SCFD2: variants seen among roughly 807,000 people sequenced by gnomAD.
The protein encoded by SCFD2 is sec1 family domain-containing protein 2.
A neutral mutation model predicts 58.9 loss-of-function variants in SCFD2; 54 were observed. The observed-to-expected ratio is 0.92, with a 90% CI of 0.74 to 1.15. The LOEUF is 1.15. Among genes scored for constraint, SCFD2 ranks in the 50% most tolerant of loss-of-function variants. The pLI is 0.00. For missense variants in SCFD2, 805 were observed against 836.6 expected (o/e 0.96, Z 0.47); for synonymous variants, 321 against 335.9 (o/e 0.96, Z 0.49).
intron 5 of SCFD2, among the ~76,000 whole-genome samples, chr4:52,932,354 G>A (rs1720017438): frequency 6.6e-6 from 1 of 152,176 alleles, no homozygotes; most frequent in Middle Eastern, 3.2e-3. Flanking sequence ...GAAAAGGATG[G>A]AATCAGAAGA....
At chr4:52,951,019 A>T (rs1183347965) in intron 5 of SCFD2, 3 of 152,182 alleles carry the variant, frequency 2.0e-5, no homozygotes, top group African/African-American at 7.2e-5. Context: ...ATTAGAGAAA[A>T]ACATTTAAAG....
At chr4:53,143,487 G>A (rs1336474572) in intron 5 of SCFD2, among the ~76,000 whole-genome samples, 2 of 152,126 alleles carry the variant, frequency 1.3e-5, no homozygotes, top group Non-Finnish European at 2.9e-5. Context: ...TTTCTTAAAT[G>A]GATTTTAAGT....
At chr4:53,054,666 T>C (rs1214272686) in intron 5 of SCFD2, among the ~76,000 whole-genome samples, 1 of 151,946 alleles carries the variant, frequency 6.6e-6, no homozygotes, top group Non-Finnish European at 1.5e-5. Context: ...TTTGTTTTTG[T>C]TTTTGAGACA....
At chr4:53,279,267 G>C (rs570200030) in intron 3 of SCFD2, among the ~76,000 whole-genome samples, 1 of 152,218 alleles carries the variant, frequency 6.6e-6, no homozygotes, top group East Asian at 1.9e-4. Flanking sequence ...TTGATTTTCA[G>C]TTAGGCTTTA....
At position 53,192,262 on chromosome 4, in the gene SCFD2, C is replaced by T. The variant is rs114894617; in HGVS notation, c.1312-46680G>A. Among the ~76,000 whole-genome samples the T allele has an allele frequency of 7.4e-3, 1,123 of 152,288 alleles. 7 individuals are homozygous for T. Among genetic ancestry groups the T allele is most frequent in the African/African-American group, 0.026 (1,067 of 41,572 alleles). On this transcript the variant is annotated intron_variant, in intron 4 of 8. Coordinates refer to ENST00000401642, the MANE Select transcript of SCFD2 (RefSeq NM_152540.4). ...TCTTACATCTTGTTTCTACTGCCTG[C>T]CTGGCCAGGGAAGGGTTGAAAGTCC... is the stretch of plus-strand genomic sequence containing the variant.
intron 4 of SCFD2, among the ~76,000 whole-genome samples, chr4:53,191,500 C>T (rs1168248221): frequency 2.0e-5 from 3 of 151,784 alleles, no homozygotes; most frequent in Non-Finnish European, 4.4e-5. Flanking sequence ...TCTGCCACCC[C>T]GGTTCCAGTG....
chr4:53,251,017 T>A (rs1730351318), intron 4 of SCFD2, among the ~76,000 whole-genome samples: 1 of 151,498 alleles, frequency 6.6e-6, no homozygotes, highest in South Asian at 2.1e-4. Flanking sequence ...GAGAGAAGAA[T>A]CAAATAGATG....
At chr4:53,329,274 G>A (rs1378994300) in intron 2 of SCFD2, among the ~76,000 whole-genome samples, 1 of 152,210 alleles carries the variant, frequency 6.6e-6, no homozygotes, top group Non-Finnish European at 1.5e-5. Flanking sequence ...GCCTCTGTAG[G>A]CTTCACCTCT....
intron 5 of SCFD2, among the ~76,000 whole-genome samples, chr4:53,128,269 T>C (rs1046485135): frequency 1.3e-5 from 2 of 152,306 alleles, no homozygotes; most frequent in South Asian, 2.1e-4. Context: ...CTGATGGCTT[T>C]TGTTCTGTTC....
chr4:53,355,178 A>G (rs570203804), intron 1 of SCFD2, among the ~76,000 whole-genome samples: 1 of 152,342 alleles, frequency 6.6e-6, no homozygotes, highest in South Asian at 2.1e-4. Context: ...CTCAATACAT[A>G]TATTCCGTTA....
chr4:53,103,080 G>A (rs1464868510), intron 5 of SCFD2, among the ~76,000 whole-genome samples: 5 of 152,114 alleles, frequency 3.3e-5, no homozygotes, highest in Non-Finnish European at 7.4e-5. Context: ...AAGAATCAAT[G>A]GGGAAAAGTT....
chr4:52,933,816 T>C (rs1720059753), intron 5 of SCFD2, among the ~76,000 whole-genome samples: 1 of 152,208 alleles, frequency 6.6e-6, no homozygotes, highest in Admixed American at 6.5e-5. Flanking sequence ...TAATTTCCAA[T>C]GCAACAACAT....
intron 5 of SCFD2, among the ~76,000 whole-genome samples, chr4:52,927,282 T>C (rs1719884812): frequency 6.6e-6 from 1 of 151,298 alleles, no homozygotes; most frequent in African/African-American, 2.4e-5. Flanking sequence ...CATTCACTAA[T>C]CCTTTGATGA....
chr4:53,011,959 T>C (rs1224922214), intron 5 of SCFD2, among the ~76,000 whole-genome samples: 3 of 151,868 alleles, frequency 2.0e-5, no homozygotes, highest in African/African-American at 4.8e-5. Context: ...ATCTGGGGAT[T>C]TTTCATTGAG....
intron 5 of SCFD2, among the ~76,000 whole-genome samples, chr4:52,972,182 C>T (rs301108): frequency 3.3e-5 from 5 of 152,110 alleles, no homozygotes; most frequent in Admixed American, 2.6e-4. Context: ...ACCTTAAATG[C>T]AAATGGGCTA....
chr4:53,136,786 C>A (rs1165756161), intron 5 of SCFD2, among the ~76,000 whole-genome samples: 1 of 152,174 alleles, frequency 6.6e-6, no homozygotes, highest in Non-Finnish European at 1.5e-5. Context: ...GTGCTCAGAG[C>A]CTCTACATTC....
At chr4:53,171,044 G>T (rs1727163252) in intron 4 of SCFD2, among the ~76,000 whole-genome samples, 1 of 152,034 alleles carries the variant, frequency 6.6e-6, no homozygotes, top group Non-Finnish European at 1.5e-5. Context: ...GATCTGATAA[G>T]GACTTCCAGT....
At chr4:53,012,256 T>A (rs1185220301) in intron 5 of SCFD2, among the ~76,000 whole-genome samples, 1 of 152,106 alleles carries the variant, frequency 6.6e-6, no homozygotes, top group Non-Finnish European at 1.5e-5. Context: ...CAACTGCATA[T>A]TTAGCCCTAC....
At chr4:53,205,267 T>C (rs1728370844) in intron 4 of SCFD2, among the ~76,000 whole-genome samples, 1 of 152,068 alleles carries the variant, frequency 6.6e-6, no homozygotes, top group African/African-American at 2.4e-5. Context: ...AAAGCTATCA[T>C]TGCCACTGTC....
Sources: allele counts gnomAD v4.1 joint callset (sites outside exome capture counted in the v4.1 genomes callset), GRCh38; gene constraint gnomAD v4.1.1; transcripts MANE v1.5; gene names NCBI Gene and HGNC (gene_info 2026-07-23, HGNC 2026-07-21).